The following BRF1 variants were observed in gnomAD, a reference collection of about 807,000 sequenced individuals.
The protein encoded by BRF1 is transcription factor IIIB 90 kDa subunit.
A neutral mutation model predicts 81.7 loss-of-function variants in BRF1; 59 were observed. The observed-to-expected ratio is 0.72, with a 90% CI of 0.59 to 0.90. The LOEUF is 0.90. Ranked by LOEUF, BRF1 falls within the 40% of genes least tolerant of loss-of-function variation. The pLI, the probability that BRF1 is intolerant of heterozygous loss-of-function variation, is 0.00. For missense variants in BRF1, 1,050 were observed against 936.3 expected, an observed-to-expected ratio of 1.12 and a Z score of -1.58; for synonymous variants, 491 against 395.6, an observed-to-expected ratio of 1.24 and a Z score of -2.86.
chr14:105,264,277 G>A (rs2056298437), intron 3 of BRF1, among the ~76,000 whole-genome samples: 1 of 151,698 alleles, frequency 6.6e-6, no homozygotes, highest in Non-Finnish European at 1.5e-5. Context: ...TCAAGACCAG[G>A]CTGGGCAACA....
chr14:105,220,810 G>A (rs1892164417), intron 11 of BRF1, among the ~76,000 whole-genome samples: 2 of 152,206 alleles, frequency 1.3e-5, no homozygotes, highest in South Asian at 4.1e-4. Context: ...CTGCTCCAGG[G>A]CCGAGGCCAG....
At chr14:105,257,383 G>A (rs80017209) in intron 3 of BRF1, among the ~76,000 whole-genome samples, 182 of 152,274 alleles carry the variant, frequency 1.2e-3, no homozygotes, top group Non-Finnish European at 2.2e-3. Flanking sequence ...CAAGAACCTC[G>A]CAAGCAATCA....
chr14:105,275,894 C>A (rs991204165), intron 2 of BRF1, among the ~76,000 whole-genome samples: 1 of 152,256 alleles, frequency 6.6e-6, no homozygotes, highest in African/African-American at 2.4e-5. Flanking sequence ...TCTTCTACCA[C>A]GTGAGGCCAC....
rs138631228 is a variant in BRF1 at position 105,256,458 on chromosome 14, G to A, written c.471+60C>T. 2,946 of 1,613,908 alleles carry A rather than the reference G, an allele frequency of 1.8e-3. 14 individuals carry two copies. The highest frequency in any genetic ancestry group is 1.8e-3 in the Non-Finnish European group (2,102 of 1,179,914). ...TGGGGTACACCCCGGTCACAACCCTGGTCACAACCCCCAGGTCACAACCCC... is the reference window on the plus strand; with the variant it reads ...TGGGGTACACCCCGGTCACAACCCTAGTCACAACCCCCAGGTCACAACCCC... On this transcript the variant is annotated intron_variant, in intron 4 of 17. Transcript: ENST00000547530.
chr14:105,225,658 T>TG (rs904965089), intron 10 of BRF1, among the ~76,000 whole-genome samples: 44 of 152,160 alleles, frequency 2.9e-4, no homozygotes, highest in African/African-American at 8.7e-4. Flanking sequence ...TTCTTTTTTT[T>TG]TTTGTTTGAG....
At chr14:105,213,742 G>A (rs997828475) in intron 15 of BRF1, among the ~76,000 whole-genome samples, 12 of 152,310 alleles carry the variant, frequency 7.9e-5, no homozygotes, top group Admixed American at 5.2e-4. Context: ...GGAAGCAGCT[G>A]TGCCAGGCCT....
intron 2 of BRF1, among the ~76,000 whole-genome samples, chr14:105,279,470 C>A (rs1234700460): frequency 6.6e-6 from 1 of 152,222 alleles, no homozygotes; most frequent in Non-Finnish European, 1.5e-5. Flanking sequence ...GCCATAATTA[C>A]TCACCAGGGA....
At chr14:105,298,353 G>T (rs954477459) in intron 1 of BRF1, among the ~76,000 whole-genome samples, 8 of 152,200 alleles carry the variant, frequency 5.3e-5, no homozygotes, top group Non-Finnish European at 8.8e-5. Flanking sequence ...TAGTAAAAAA[G>T]CGTGTGATGC....
intron 1 of BRF1, 77 bp downstream of exon 1, chr14:105,300,369 C>A (rs1439773920): frequency 7.3e-7 from 1 of 1,373,672 alleles, no homozygotes; most frequent in East Asian, 3.0e-5. Flanking sequence ...GGCGCTGGTC[C>A]CGGCCGCGCC....
rs748259178 is a variant in BRF1 at position 105,219,126 on chromosome 14, G to T, written c.1459+25C>A. On this transcript the variant is annotated intron_variant, in intron 13 of 17. Transcript: ENST00000547530. Reference sequence around the variant, plus strand: ...GGCCTGGGGACTGTGCGTCCTGCGTGTGAGTGTGGGCGGGTGGCGCTTACC... The same window carrying T: ...GGCCTGGGGACTGTGCGTCCTGCGTTTGAGTGTGGGCGGGTGGCGCTTACC... 6 of 1,613,080 alleles carry T rather than the reference G, an allele frequency of 3.7e-6. No individual in the cohort carries two copies. In the Admixed American group the frequency reaches 1.0e-4, roughly 27 times the overall value.
chr14:105,250,849 C>G (rs2055565243), intron 5 of BRF1: 6 of 689,528 alleles, frequency 8.7e-6, no homozygotes, highest in African/African-American at 7.3e-5. Context: ...GGATTGGAGT[C>G]TTAGGCATCT....
At chr14:105,219,265 T>C (rs1325125160) in intron 12 of BRF1, 33 bp from the exon 13 acceptor site, 16 of 1,605,918 alleles carry the variant, frequency 1.0e-5, no homozygotes, top group Admixed American at 3.3e-5. Context: ...GGCTGGCTTT[T>C]AGCCTTCGCA....
At chr14:105,221,602 A>G (rs1358640785) in intron 11 of BRF1, 46 bp downstream of exon 11, 4 of 1,578,570 alleles carry the variant, frequency 2.5e-6, no homozygotes, top group Non-Finnish European at 3.4e-6. Context: ...CGCCTGAAAG[A>G]TCTCCCGATG....
intron 5 of BRF1, among the ~76,000 whole-genome samples, chr14:105,243,177 A>C (rs909282486): frequency 2.6e-5 from 4 of 151,260 alleles, no homozygotes; most frequent in Admixed American, 6.6e-5. Context: ...GTGGTGGCTC[A>C]CATCTGTAAT....
At position 105,284,415 on chromosome 14, in the gene BRF1, T is replaced by C. The variant is rs1468780207; in HGVS notation, c.265+1881A>G. Among the ~76,000 whole-genome samples the C allele has an allele frequency of 1.3e-5, 2 of 152,142 alleles. No homozygotes were observed. Among genetic ancestry groups the C allele is most frequent in the African/African-American group, 4.8e-5 (2 of 41,442 alleles). ...CCTGCCAGCCTAGGTGTGTCGGTGC[T>C]GGCCACCCGTCGGCAGCAGCAGCCA... On this transcript the variant is annotated intron_variant, in intron 2 of 17. Coordinates refer to ENST00000547530, the MANE Select transcript of BRF1 (RefSeq NM_001519.4). The surrounding 1 kb of genome is among the most constrained non-coding windows in gnomAD (Gnocchi z 4.0).
Position 105,224,338 on chromosome 14 carries a change from C to T in BRF1, c.1048+1731G>A, listed in dbSNP as rs587690490. On this transcript the variant is annotated intron_variant, in intron 10 of 17. Transcript: ENST00000547530. ...GAGCTGAGATTATGCAACTGCACTCCAGCCTGGGTGACAGAGTGAGCCTGT... is the reference window on the plus strand; with the variant it reads ...GAGCTGAGATTATGCAACTGCACTCTAGCCTGGGTGACAGAGTGAGCCTGT... Among the ~76,000 whole-genome samples, 3 of 152,314 alleles carry T rather than the reference C, an allele frequency of 2.0e-5. No individual in the cohort carries two copies. In the South Asian group the frequency reaches 6.2e-4, roughly 32 times the overall value.
intron 1 of BRF1, among the ~76,000 whole-genome samples, chr14:105,313,284 CACAG>C (rs1017971201): frequency 6.6e-6 from 1 of 152,228 alleles, no homozygotes; most frequent in Non-Finnish European, 1.5e-5. Context: ...GCCCTCCCAT[CACAG>C]ACAGCCTGTC....
intron 5 of BRF1, chr14:105,250,230 A>C: frequency 6.2e-7 from 1 of 1,612,940 alleles, no homozygotes; most frequent in Non-Finnish European, 8.5e-7. Context: ...CAGAGGTGCC[A>C]CCGATTCCAG....
intron 1 of BRF1, among the ~76,000 whole-genome samples, chr14:105,296,197 G>A (rs966553816): frequency 1.3e-5 from 2 of 151,804 alleles, no homozygotes; most frequent in Non-Finnish European, 2.9e-5. Context: ...TGGATCGCCT[G>A]GCCAACATGG....
Sources: allele counts gnomAD v4.1 joint callset (sites outside exome capture counted in the v4.1 genomes callset), GRCh38; gene constraint gnomAD v4.1.1; non-coding constraint Gnocchi (gnomAD v3.1); transcripts MANE v1.5; gene names NCBI Gene and HGNC (gene_info 2026-07-23, HGNC 2026-07-21).